HAUS6: variants seen among roughly 807,000 people sequenced by gnomAD.
HAUS6 encodes the protein HAUS augmin like complex subunit 6.
HAUS6 carries 80 observed loss-of-function variants against 106.8 expected under a neutral mutation model. The observed-to-expected ratio is 0.75, with a 90% CI of 0.63 to 0.90. The LOEUF (loss-of-function observed/expected upper bound fraction) is 0.90. Among genes scored for constraint, HAUS6 ranks in the 40% least tolerant of loss-of-function variants. HAUS6 has a pLI of 0.00. For synonymous variants in HAUS6, 356 were observed against 379.1 expected, an observed-to-expected ratio of 0.94 and a Z score of 0.71; for missense variants, 1,155 against 1,118.1, an observed-to-expected ratio of 1.03 and a Z score of -0.47.
chr9:19,058,327 C>A lies in HAUS6; in HGVS notation c.2440G>T (p.Glu814Ter). The change falls in exon 16 of 17, where the codon GAA becomes TAA. Residue 814 changes from glutamate (E) to a stop codon, truncating the protein, a stop_gained. Transcript: ENST00000380502. LOFTEE classifies it high-confidence loss of function. Reference protein sequence around the residue: ...NSPMHGGTLLEDVVGGRQTTP... With the variant: ...NSPMHGGTLL Reference sequence around the variant, plus strand: ...GTCTGTCTCCCTCCCACAACATCTTCTAGAAGAGTGCCACCATGCATAGGA... The same window carrying A: ...GTCTGTCTCCCTCCCACAACATCTTATAGAAGAGTGCCACCATGCATAGGA... 6.2e-7 allele frequency: 1 copy of A among 1,613,828 alleles called. No homozygotes were observed. Among genetic ancestry groups the A allele is most frequent in the Non-Finnish European group, 8.5e-7 (1 of 1,179,774 alleles).
At chr9:19,080,703 G>A (rs1446380549) in intron 8 of HAUS6, 31 bp from the exon 9 acceptor site, 1 of 1,277,978 alleles carries the variant, frequency 7.8e-7, no homozygotes, top group Non-Finnish European at 1.1e-6. Context: ...AAAAATTGGT[G>A]AACTATAGGT....
At chr9:19,080,819 GC>G in intron 8 of HAUS6, 147 bp from the exon 9 acceptor site, 1 of 583,646 alleles carries the variant, frequency 1.7e-6, no homozygotes, top group Non-Finnish European at 3.0e-6. Context: ...TGTAATCCCA[GC>G]ACTCTGGGAG....
At chr9:19,067,288 T>C (rs1395509267) in intron 12 of HAUS6, among the ~76,000 whole-genome samples, 1 of 152,252 alleles carries the variant, frequency 6.6e-6, no homozygotes, top group East Asian at 1.9e-4. Flanking sequence ...AGTCCACCTA[T>C]GTTACATATT....
intron 3 of HAUS6, 43 bp from the exon 4 acceptor site, chr9:19,093,346 A>G: frequency 6.7e-7 from 1 of 1,503,346 alleles, no homozygotes; most frequent in Non-Finnish European, 9.1e-7. Context: ...CCTTGTTAAC[A>G]ATAACTCTTA....
chr9:19,078,982 C>G (rs1837074411), intron 9 of HAUS6, among the ~76,000 whole-genome samples: 1 of 150,128 alleles, frequency 6.7e-6, no homozygotes, highest in South Asian at 2.1e-4. Flanking sequence ...TGGTGAAACC[C>G]TGTCTCTACT....
At chr9:19,099,820 C>A (rs146509134) in intron 1 of HAUS6, among the ~76,000 whole-genome samples, 17 of 152,142 alleles carry the variant, frequency 1.1e-4, no homozygotes, top group African/African-American at 2.9e-4. Context: ...GAGGCTGACG[C>A]GGGAGGATCA....
At chr9:19,070,637 G>C (rs1836864205) in intron 11 of HAUS6, among the ~76,000 whole-genome samples, 1 of 152,156 alleles carries the variant, frequency 6.6e-6, no homozygotes, top group Non-Finnish European at 1.5e-5. Flanking sequence ...AAAAGTTACA[G>C]TCTTAGCATA....
At chr9:19,087,972 C>T (rs780949295) in intron 5 of HAUS6, among the ~76,000 whole-genome samples, 9 of 151,186 alleles carry the variant, frequency 6.0e-5, no homozygotes, top group South Asian at 2.1e-4. Flanking sequence ...GTATCTGACA[C>T]ATAGAAGAAA....
intron 2 of HAUS6, among the ~76,000 whole-genome samples, chr9:19,095,188 C>G (rs184170968): frequency 6.6e-6 from 1 of 151,720 alleles, no homozygotes; most frequent in Admixed American, 6.6e-5. Flanking sequence ...CTAAACAAGA[C>G]AGAAAAACAT....
At chr9:19,099,018 A>T (rs1344533496) in intron 1 of HAUS6, among the ~76,000 whole-genome samples, 1 of 7,194 alleles carries the variant, frequency 1.4e-4, no homozygotes, top group East Asian at 1.2e-3. Flanking sequence ...ACTCCATCTC[A>T]AAAAAAAAAA....
intron 12 of HAUS6, 61 bp from the exon 13 acceptor site, chr9:19,063,641 C>A: frequency 9.2e-7 from 1 of 1,087,320 alleles, no homozygotes; most frequent in Non-Finnish European, 1.4e-6. Flanking sequence ...ATTCCCTTTA[C>A]GAGTCTATTC....
chr9:19,072,905 A>T (rs1836909283), intron 11 of HAUS6, among the ~76,000 whole-genome samples: 1 of 152,198 alleles, frequency 6.6e-6, no homozygotes, highest in African/African-American at 2.4e-5. Context: ...AAAATAAAAC[A>T]ATCACATGTA....
At chr9:19,061,188 T>A (rs981121416) in intron 14 of HAUS6, among the ~76,000 whole-genome samples, 6 of 151,960 alleles carry the variant, frequency 3.9e-5, no homozygotes, top group Non-Finnish European at 8.8e-5. Context: ...AAATAAAATT[T>A]AAAAATACAA....
In HAUS6 at chr9:19,102,830, T is replaced by G. The variant is rs7865126; in HGVS notation, c.-179A>C. The G allele has an allele frequency of 2.1e-5, 12 of 577,270 alleles. No homozygotes were observed. Among genetic ancestry groups the G allele is most frequent in the Non-Finnish European group, 3.6e-5 (12 of 333,934 alleles). The allele number at this position is 577,270 out of a possible 1,614,324, so 35.8% of individuals were successfully genotyped here. A position where few individuals can be genotyped will look rare whatever the true frequency, so the allele number is the denominator to read the frequency against. ...AAAGGGCCTCACAACCTCCGGGAAA[T>G]TGAGTTTCTAACGGTATAGTGCGGC... On this transcript the variant is annotated 5_prime_UTR_variant, in exon 1 of 17. Transcript: ENST00000380502.
chr9:19,071,417 TA>T (rs1195244080), intron 11 of HAUS6, among the ~76,000 whole-genome samples: 2 of 152,074 alleles, frequency 1.3e-5, no homozygotes, highest in African/African-American at 4.8e-5. Flanking sequence ...AGAGATAAAG[TA>T]ATATTTTAAG....
intron 12 of HAUS6, among the ~76,000 whole-genome samples, chr9:19,064,031 G>A (rs545076284): frequency 2.0e-5 from 3 of 150,670 alleles, no homozygotes; most frequent in Non-Finnish European, 4.4e-5. Context: ...GCAATGGCGC[G>A]ATCTTGGCTC....
At chr9:19,102,318 C>T (rs1353987201) in intron 1 of HAUS6, among the ~76,000 whole-genome samples, 1 of 152,184 alleles carries the variant, frequency 6.6e-6, no homozygotes, top group African/African-American at 2.4e-5. Flanking sequence ...CCCTACAGAG[C>T]GCTTCCGGCA....
Position 19,056,365 on chromosome 9 carries a change from G to C in HAUS6, c.2846C>G (p.Pro949Arg). ...ILNKSLDAKE[P>R]PSDLTR is the part of the protein sequence containing the mutation. The stretch of plus-strand genomic sequence containing the variant: ...TCTTCATCTTGTCAAGTCAGACGGT[G>C]GTTCTTTTGCATCAAGGCTCTTATT... The change falls in exon 17 of 17, where the codon CCA (proline) becomes CGA (arginine). Residue 949 changes from proline to arginine, a missense_variant. Physicochemically the swap from Pro to Arg is moderately radical, Grantham distance 103 (BLOSUM62 -2). Around this residue, in one of 3 missense-constraint regions of HAUS6, gnomAD observed 380 missense variants for 394.8 expected, o/e 0.96. Transcript: ENST00000380502. The C allele has an allele frequency of 6.5e-7, 1 of 1,550,324 alleles. No homozygotes were observed.
rs544675295 is a variant in HAUS6 at position 19,093,062 on chromosome 9, T to C, written c.436+109A>G. 3.2e-5 allele frequency: 25 copies of C among 775,850 alleles called. No homozygotes were observed. The African/African-American group carries it at 3.3e-4, about 10-fold the overall frequency. The allele number at this position is 775,850 out of a possible 1,614,324, so 48.1% of individuals were successfully genotyped here. A position where few individuals can be genotyped will look rare whatever the true frequency, so the allele number is the denominator to read the frequency against. ...CCATTTCCTTTTTGGGGTACATTAA[T>C]GTTTTAACTTACCTTGATTTTACTA... On this transcript the variant is annotated intron_variant, in intron 4 of 16. Coordinates refer to ENST00000380502, the MANE Select transcript of HAUS6 (RefSeq NM_017645.5).
Sources: allele counts gnomAD v4.1 joint callset (sites outside exome capture counted in the v4.1 genomes callset), GRCh38; gene constraint gnomAD v4.1.1; regional missense constraint gnomAD v4.1.1; transcripts MANE v1.5; gene names NCBI Gene and HGNC (gene_info 2026-07-23, HGNC 2026-07-21).